CLCN6: variants seen among roughly 807,000 people sequenced by gnomAD.
CLCN6 encodes the protein Cl-/H+ antiporter 6, also known as H(+)/Cl(-) exchange transporter 6.
CLCN6 carries 70 observed loss-of-function variants against 109.8 expected under a neutral mutation model. The observed-to-expected ratio is 0.64, with a 90% CI of 0.53 to 0.78. The LOEUF (loss-of-function observed/expected upper bound fraction) is 0.78, where lower values mean the gene tolerates loss of function less well. Among genes scored for constraint, CLCN6 ranks in the 30% least tolerant of loss-of-function variants. The probability of loss-of-function intolerance (pLI) is 0.00; values close to 1 mark genes in which losing one functional copy is unlikely to be tolerated. For missense variants in CLCN6, 984 were observed against 1,142.3 expected, an observed-to-expected ratio of 0.86 and a Z score of 2.00; for synonymous variants, 444 against 447.8, an observed-to-expected ratio of 0.99 and a Z score of 0.11.
rs1384747301 is a variant in CLCN6 at position 11,834,927 on chromosome 1, G to C, written c.1793+337G>C. 2.0e-5 allele frequency among the ~76,000 whole-genome samples: 3 copies of C among 152,218 alleles called. No individual in the cohort carries two copies. The highest frequency in any genetic ancestry group is 6.5e-5 in the Admixed American group (1 of 15,288). ...AGGGTATGCCAAGCCCCAGGAGTGAGAATAGCCTGTTTCACATGTGCCCAC... is the reference window on the plus strand; with the variant it reads ...AGGGTATGCCAAGCCCCAGGAGTGACAATAGCCTGTTTCACATGTGCCCAC... On this transcript the variant is annotated intron_variant, in intron 17 of 22. Transcript: ENST00000346436. The surrounding 1 kb of genome is among the most constrained non-coding windows in gnomAD (Gnocchi z 4.5).
intron 12 of CLCN6, 31 bp from the exon 13 acceptor site, chr1:11,829,165 G>T: frequency 6.2e-7 from 1 of 1,604,122 alleles, no homozygotes; most frequent in South Asian, 1.1e-5. Flanking sequence ...TTCTTTCTGT[G>T]GCGTTGTAAC....
chr1:11,816,688 G>A lies in CLCN6; in HGVS notation c.279+8G>A. ...GGAGTCTGCACTGGCCTGGTGAGGA[G>A]GCAGGGCCTGGAGGGATGGTGGGCC... On this transcript the variant is annotated splice_region_variant and intron_variant, in intron 4 of 22. Coordinates refer to ENST00000346436, the MANE Select transcript of CLCN6 (RefSeq NM_001286.5). The A allele has an allele frequency of 6.2e-7, 1 of 1,610,860 alleles. No individual in the cohort carries two copies. Among genetic ancestry groups the A allele is most frequent in the Non-Finnish European group, 8.5e-7 (1 of 1,178,472 alleles).
Position 11,820,352 on chromosome 1 carries a change from TATAA to T in CLCN6, c.346+803_346+806del, listed in dbSNP as rs370105197. ...AAATAGTTATATTCCTATTTCATAC[TATAA>T]ATAAGATAAATTCCAGATGAAGATG... On this transcript the variant is annotated intron_variant, in intron 5 of 22. Coordinates refer to ENST00000346436, the MANE Select transcript of CLCN6 (RefSeq NM_001286.5). 5.9e-4 allele frequency: 420 copies of T among 715,898 alleles called. 6 individuals are homozygous for T. The East Asian group carries it at 0.01, about 17-fold the overall frequency. The allele number at this position is 715,898 out of a possible 1,614,324, so 44.3% of individuals were successfully genotyped here. A position where few individuals can be genotyped will look rare whatever the true frequency, so the allele number is the denominator to read the frequency against.
intron 8 of CLCN6, among the ~76,000 whole-genome samples, chr1:11,825,811 C>T (rs1269826594): frequency 6.6e-6 from 1 of 152,140 alleles, no homozygotes; most frequent in Non-Finnish European, 1.5e-5. Flanking sequence ...TTAGTAGAGA[C>T]AGGGTTTTGC....
chr1:11,824,042 ATTTGGAATTTAGCT>A (rs1397362840), intron 7 of CLCN6, among the ~76,000 whole-genome samples: 5 of 152,168 alleles, frequency 3.3e-5, no homozygotes, highest in Non-Finnish European at 5.9e-5. Flanking sequence ...CAGTTTTGGG[ATTTGGAATTTAGCT>A]TGTGGAATTA....
chr1:11,834,103 C>CGT lies in CLCN6; in HGVS notation c.1526+77_1526+78dup. 1 of 1,590,720 alleles carries CGT rather than the reference C, an allele frequency of 6.3e-7. No individual in the cohort carries two copies. Among genetic ancestry groups the CGT allele is most frequent in the Non-Finnish European group, 8.6e-7 (1 of 1,168,456 alleles). ...GTGTGCGTGTGTATGCATGTGTGTG[C>CGT]GTGTGCGTGCGTTGATGTGTCTGTG... On this transcript the variant is annotated intron_variant, in intron 15 of 22. Transcript: ENST00000346436. This position sits in a 1 kb window ranked among gnomAD's most constrained non-coding sequence, Gnocchi z 4.5.
chr1:11,819,611 C>G (rs1644716776), intron 5 of CLCN6, 57 bp downstream of exon 5: 1 of 1,486,924 alleles, frequency 6.7e-7, no homozygotes, highest in Non-Finnish European at 9.4e-7. Flanking sequence ...AAGATTCTTT[C>G]TTACATAGAA....
chr1:11,828,053 G>C, intron 10 of CLCN6, 53 bp from the exon 11 acceptor site: 3 of 1,324,352 alleles, frequency 2.3e-6, no homozygotes, highest in Middle Eastern at 1.8e-4. Flanking sequence ...GGTTGGGAGA[G>C]AGTAGGACAT....
rs1194925809 is a variant in CLCN6 at position 11,806,214 on chromosome 1, G to A, written c.-49G>A. The A allele has an allele frequency of 1.4e-6, 2 of 1,388,562 alleles. No homozygotes were observed. Among genetic ancestry groups the A allele is most frequent in the Non-Finnish European group, 1.9e-6 (2 of 1,064,612 alleles). 86.0% of individuals were successfully genotyped at this position (1,388,562 alleles called of 1,614,324 possible). A position where few individuals can be genotyped will look rare whatever the true frequency, so the allele number is the denominator to read the frequency against. ...CCAGTCACGTGAGGCGCAGATCCTG[G>A]CTGGGAGGGGGTTGGTAGAGGGGTC... is the stretch of plus-strand genomic sequence containing the variant. On this transcript the variant is annotated 5_prime_UTR_variant, in exon 1 of 23. Coordinates refer to ENST00000346436, the MANE Select transcript of CLCN6 (RefSeq NM_001286.5).
intron 8 of CLCN6, among the ~76,000 whole-genome samples, chr1:11,824,980 G>C (rs1644793670): frequency 6.6e-6 from 1 of 152,192 alleles, no homozygotes; most frequent in Non-Finnish European, 1.5e-5. Flanking sequence ...ATTATGGTCT[G>C]TGTGCCAGAC....
rs756792581 is a variant in CLCN6 at position 11,833,917 on chromosome 1, C to T, written c.1413C>T (p.Leu471=). The T allele has an allele frequency of 6.2e-7, 1 of 1,613,816 alleles. No homozygotes were observed. The highest frequency in any genetic ancestry group is 1.1e-5 in the South Asian group (1 of 91,000). The part of the protein sequence containing the change: ...SPVTLALFFV[L]YFLLACWTYG... Reference sequence around the variant, plus strand: ...TCACTCTGGCCTTGTTCTTCGTTCTCTATTTCTTGCTTGCATGTTGGACTT... The same window carrying T: ...TCACTCTGGCCTTGTTCTTCGTTCTTTATTTCTTGCTTGCATGTTGGACTT... Residue 471 remains leucine, a synonymous_variant, in exon 15 of 23, where the codon CTC becomes CTT. Transcript: ENST00000346436.
In CLCN6 at chr1:11,829,055, TG is replaced by T. The variant is rs1004829459; in HGVS notation, c.1122-140del. ...AATACAGCAAATCACGGATCAATTCTGCACACATGTTGACTGACCAGGGGCT... is the reference window on the plus strand; with the variant it reads ...AATACAGCAAATCACGGATCAATTCTCACACATGTTGACTGACCAGGGGCT... On this transcript the variant is annotated intron_variant, in intron 12 of 22. Transcript: ENST00000346436. The T allele has an allele frequency of 1.5e-4, 145 of 950,980 alleles. 1 individual carries two copies. Among genetic ancestry groups the T allele is most frequent in the Non-Finnish European group, 1.7e-4 (109 of 627,466 alleles). The allele number at this position is 950,980 out of a possible 1,614,324, so 58.9% of individuals were successfully genotyped here. A position where few individuals can be genotyped will look rare whatever the true frequency, so the allele number is the denominator to read the frequency against.
Position 11,823,513 on chromosome 1 carries a change from A to G in CLCN6, c.454-194A>G, listed in dbSNP as rs114934149. Among the ~76,000 whole-genome samples, 532 of 150,840 alleles carry G rather than the reference A, an allele frequency of 3.5e-3. 2 individuals are homozygous for G. Among genetic ancestry groups the G allele is most frequent in the Middle Eastern group, 7.1e-3 (2 of 282 alleles). On this transcript the variant is annotated intron_variant, in intron 6 of 22. Transcript: ENST00000346436. ...AAGAAAAAAAAGTGCAAGTCCTCCC[A>G]TTGCCCCTCAGACCTCCTGAGTCAG... is the stretch of plus-strand genomic sequence containing the variant.
At chr1:11,816,170 T>G (rs2100615524) in intron 3 of CLCN6, among the ~76,000 whole-genome samples, 1 of 152,376 alleles carries the variant, frequency 6.6e-6, no homozygotes, top group Middle Eastern at 3.4e-3. Flanking sequence ...TTGCATTTTT[T>G]AGCCATAAAG....
At position 11,806,374 on chromosome 1, in the gene CLCN6, G is replaced by A. The variant is rs1644509427; in HGVS notation, c.87+25G>A. On this transcript the variant is annotated intron_variant, in intron 1 of 22. Transcript: ENST00000346436. ...GGTAAGAAGCCGGCGGAGTCGGCCTGGGGAGGGGGCGGTTGCTAAGGGACT... is the reference window on the plus strand; with the variant it reads ...GGTAAGAAGCCGGCGGAGTCGGCCTAGGGAGGGGGCGGTTGCTAAGGGACT... 4.7e-6 allele frequency: 7 copies of A among 1,494,942 alleles called. No homozygotes were observed. The South Asian group carries it at 6.7e-5, about 14-fold the overall frequency. 92.6% of individuals were successfully genotyped at this position (1,494,942 alleles called of 1,614,324 possible).
rs766813777 is a variant in CLCN6 at position 11,807,136 on chromosome 1, C to T, written c.93C>T (p.Ile31=). 1 of 1,614,144 alleles carries T rather than the reference C, an allele frequency of 6.2e-7. No individual in the cohort carries two copies. The highest frequency in any genetic ancestry group is 2.2e-5 in the East Asian group (1 of 44,880). ...CTGCGGATCTGTTTTTCTAGACCAT[C>T]CTTGGAGAAACACAGGAGGAGGAGG... ...RETRTPEELT[I]LGETQEEEDE... is the part of the protein sequence containing the mutation. Residue 31 remains isoleucine, a synonymous_variant, in exon 2 of 23, where the codon ATC becomes ATT. Transcript: ENST00000346436.
chr1:11,814,120 C>T (rs1050971642), intron 2 of CLCN6, among the ~76,000 whole-genome samples: 35 of 152,174 alleles, frequency 2.3e-4, no homozygotes, highest in African/African-American at 8.2e-4. Context: ...GTTTGGCTGA[C>T]TTGAAACTAT....
At chr1:11,837,744 G>A (rs1175056224) in intron 20 of CLCN6, among the ~76,000 whole-genome samples, 1 of 152,140 alleles carries the variant, frequency 6.6e-6, no homozygotes, top group Non-Finnish European at 1.5e-5. Context: ...CCTGGCTCTG[G>A]TGCTGTCCTT....
rs563655867 is a variant in CLCN6 at position 11,819,933 on chromosome 1, C to T, written c.346+379C>T. Among the ~76,000 whole-genome samples the T allele has an allele frequency of 3.9e-5, 6 of 152,162 alleles. 1 individual carries two copies. Among genetic ancestry groups the T allele is most frequent in the African/African-American group, 1.4e-4 (6 of 41,492 alleles). Reference sequence around the variant, plus strand: ...CTAAATGACAAGAAGGTGGACTTGACCCTGTCAGATATCAAGTCTTATAAA... The same window carrying T: ...CTAAATGACAAGAAGGTGGACTTGATCCTGTCAGATATCAAGTCTTATAAA... On this transcript the variant is annotated intron_variant, in intron 5 of 22. Coordinates refer to ENST00000346436, the MANE Select transcript of CLCN6 (RefSeq NM_001286.5).
Sources: allele counts gnomAD v4.1 joint callset (sites outside exome capture counted in the v4.1 genomes callset), GRCh38; gene constraint gnomAD v4.1.1; non-coding constraint Gnocchi (gnomAD v3.1); transcripts MANE v1.5; gene names NCBI Gene and HGNC (gene_info 2026-07-23, HGNC 2026-07-21).